GTPBP4: variants seen among roughly 807,000 people sequenced by gnomAD.
GTPBP4 encodes GTP binding protein 4, also known as GTP-binding protein 4.
A neutral mutation model predicts 81.7 loss-of-function variants in GTPBP4; 15 were observed. That is an observed-to-expected ratio of 0.18 (90% CI 0.12 to 0.28). The LOEUF (loss-of-function observed/expected upper bound fraction) is 0.28. GTPBP4 is among the 10% of genes least tolerant of loss of function. GTPBP4 has a pLI of 1.00. For synonymous variants in GTPBP4, 272 were observed against 274.6 expected (o/e 0.99, Z 0.09); for missense variants, 847 against 793.8 (o/e 1.07, Z -0.81).
rs755422040 is a variant in GTPBP4 at position 1,015,845 on chromosome 10, T to C, written c.1701T>C (p.Ser567=). The C allele has an allele frequency of 3.1e-6, 5 of 1,613,706 alleles. No individual in the cohort carries two copies. Among genetic ancestry groups the C allele is most frequent in the Non-Finnish European group, 4.2e-6 (5 of 1,179,646 alleles). The change falls in exon 16 of 17, where the codon AGT becomes AGC. Residue 567 remains serine (S), a synonymous_variant. Coordinates refer to ENST00000360803, the MANE Select transcript of GTPBP4 (RefSeq NM_012341.3). The part of the protein sequence containing the change: ...DSAPPSSVAR[S]GSCSRTPRDV... Reference sequence around the variant, plus strand: ...CTCCCCCGTCCTCTGTGGCCCGGAGTGGGAGTTGCTCTCGAACTCCACGTG... The same window carrying C: ...CTCCCCCGTCCTCTGTGGCCCGGAGCGGGAGTTGCTCTCGAACTCCACGTG...
chr10:1,006,282 G>A (rs530812924), intron 9 of GTPBP4, among the ~76,000 whole-genome samples: 22 of 152,376 alleles, frequency 1.4e-4, no homozygotes, highest in East Asian at 7.7e-4. Context: ...GAGGCAGTCC[G>A]CTGCTGGATT....
At chr10:1,008,700 CT>C (rs904174632) in intron 10 of GTPBP4, among the ~76,000 whole-genome samples, 4 of 152,114 alleles carry the variant, frequency 2.6e-5, no homozygotes, top group African/African-American at 4.8e-5. Flanking sequence ...TTTGGAATCA[CT>C]TTGTGGAGTC....
chr10:997,685 GTGT>G (rs527839999), intron 5 of GTPBP4, among the ~76,000 whole-genome samples: 3 of 152,246 alleles, frequency 2.0e-5, no homozygotes, highest in African/African-American at 4.8e-5. Flanking sequence ...GTTTTCTTGG[GTGT>G]TGTTGGCCTG....
In GTPBP4 at chr10:1,017,761, A is replaced by C. The variant is rs1832017633; in HGVS notation, c.*534A>C. The C allele has an allele frequency of 6.6e-6, 1 of 152,292 alleles. No homozygotes were observed. Among genetic ancestry groups the C allele is most frequent in the Non-Finnish European group, 1.5e-5 (1 of 68,082 alleles). The allele number at this position is 152,292 out of a possible 1,614,324, so 9.4% of individuals were successfully genotyped here. A position where few individuals can be genotyped will look rare whatever the true frequency, so the allele number is the denominator to read the frequency against. On this transcript the variant is annotated 3_prime_UTR_variant, in exon 17 of 17. Coordinates refer to ENST00000360803, the MANE Select transcript of GTPBP4 (RefSeq NM_012341.3). ...TATGGATTTGGCCAAATAAAAAGGC[A>C]AACAACATGACATTTCTATTTTGTT...
chr10:1,007,073 T>C lies in GTPBP4; in HGVS notation c.1058T>C (p.Val353Ala), dbSNP rs1249277000. The stretch of plus-strand genomic sequence containing the variant: ...GAAACCAAAATGAAGGGAAATAAAG[T>C]GAATGAGGTGCTGAATAGACTGCAC... ...RVETKMKGNK[V>A]NEVLNRLHLA... Residue 353 changes from valine (V) to alanine (A), a missense_variant, in exon 10 of 17, where the codon GTG (valine) becomes GCG (alanine). By Grantham distance (64) the Val-to-Ala change is moderately conservative. Around this residue, in one of 3 missense-constraint regions of GTPBP4, gnomAD observed 600 missense variants for 557.1 expected, o/e 1.08. Transcript: ENST00000360803. 2 of 1,613,054 alleles carry C rather than the reference T, an allele frequency of 1.2e-6. No homozygotes were observed. The highest frequency in any genetic ancestry group is 2.7e-5 in the African/African-American group (2 of 74,892).
intron 15 of GTPBP4, among the ~76,000 whole-genome samples, chr10:1,014,948 G>C (rs1831948732): frequency 6.6e-6 from 1 of 151,974 alleles, no homozygotes. Flanking sequence ...TGCAGACCCT[G>C]TCCTCTAGAT....
intron 8 of GTPBP4, among the ~76,000 whole-genome samples, chr10:1,003,426 A>T (rs1188334173): frequency 6.6e-6 from 1 of 152,004 alleles, no homozygotes; most frequent in African/African-American, 2.4e-5. Flanking sequence ...CTGTTCCTAG[A>T]GAGTTAATAT....
Position 1,000,150 on chromosome 10 carries a change from G to T in GTPBP4, c.655-527G>T, listed in dbSNP as rs148119533. 7.5e-3 allele frequency among the ~76,000 whole-genome samples: 1,135 copies of T among 151,742 alleles called. 19 individuals are homozygous for T. The highest frequency in any genetic ancestry group is 0.026 in the African/African-American group (1,074 of 41,294). On this transcript the variant is annotated intron_variant, in intron 6 of 16. Coordinates refer to ENST00000360803, the MANE Select transcript of GTPBP4 (RefSeq NM_012341.3). ...GCTAGCATTTCTTTGAGCTCTACAG[G>T]GTTCCTCCTCCCTTTTTTGATGTTT...
At chr10:1,013,740 A>G (rs942266132) in intron 14 of GTPBP4, among the ~76,000 whole-genome samples, 2 of 152,254 alleles carry the variant, frequency 1.3e-5, no homozygotes, top group Non-Finnish European at 2.9e-5. Flanking sequence ...CATGCAGGGC[A>G]GTTAACATGT....
rs189981515 is a variant in GTPBP4, at chr10:1,008,630, C to T, written c.1114-328C>T. ...TCTGTTGATCCAGTGTTATTTCTTA[C>T]CACTTTCTTCTTCCATAATTTTTCA... On this transcript the variant is annotated intron_variant, in intron 10 of 16. Coordinates refer to ENST00000360803, the MANE Select transcript of GTPBP4 (RefSeq NM_012341.3). 1.6e-4 allele frequency among the ~76,000 whole-genome samples: 25 copies of T among 152,174 alleles called. No individual in the cohort carries two copies. In the East Asian group the frequency reaches 1.9e-3, roughly 12 times the overall value.
chr10:1,009,416 C>A, intron 11 of GTPBP4, 113 bp from the exon 12 acceptor site: 1 of 781,776 alleles, frequency 1.3e-6, no homozygotes, highest in Non-Finnish European at 2.3e-6. Context: ...GAAGGTGAAC[C>A]CCACTGATAC....
At position 1,019,491 on chromosome 10, in the gene GTPBP4, C is replaced by T. The variant is rs1278343186; in HGVS notation, c.*2264C>T. ...GTCTGCCTGCACTGAGGGCATTACACATGGCTGACTCGACCTCCCTGCCTC... is the reference window on the plus strand; with the variant it reads ...GTCTGCCTGCACTGAGGGCATTACATATGGCTGACTCGACCTCCCTGCCTC... On this transcript the variant is annotated 3_prime_UTR_variant, in exon 17 of 17. Transcript: ENST00000360803. 1 of 1,586,180 alleles carries T rather than the reference C, an allele frequency of 6.3e-7. No homozygotes were observed. The highest frequency in any genetic ancestry group is 1.1e-5 in the South Asian group (1 of 87,104).
At chr10:1,012,748 A>G (rs1458613372) in intron 14 of GTPBP4, 86 bp downstream of exon 14, 6 of 883,878 alleles carry the variant, frequency 6.8e-6, no homozygotes, top group South Asian at 6.7e-5. Flanking sequence ...CAACTTTTCA[A>G]CCCATTTATG....
chr10:1,013,746 C>A (rs1216530137), intron 14 of GTPBP4, among the ~76,000 whole-genome samples: 1 of 152,214 alleles, frequency 6.6e-6, no homozygotes, highest in Non-Finnish European at 1.5e-5. Context: ...GGGCAGTTAA[C>A]ATGTAACCAG....
In GTPBP4 at chr10:1,012,115, T is replaced by C. The variant is rs114452155; in HGVS notation, c.1345-350T>C. On this transcript the variant is annotated intron_variant, in intron 13 of 16. Transcript: ENST00000360803. ...CGGACACGTGGGATGTGGCACGAAA[T>C]CAGTGTCTCAGGACTGAGTTCCTTG... Among the ~76,000 whole-genome samples the C allele has an allele frequency of 5.0e-3, 757 of 152,304 alleles. 6 individuals are homozygous for C. Among genetic ancestry groups the C allele is most frequent in the African/African-American group, 0.017 (715 of 41,546 alleles).
chr10:998,879 A>C, intron 5 of GTPBP4, 124 bp from the exon 6 acceptor site: 1 of 654,522 alleles, frequency 1.5e-6, no homozygotes, highest in Non-Finnish European at 2.8e-6. Context: ...TATTCGATGC[A>C]GTTTTATCGT....
At position 1,017,412 on chromosome 10, in the gene GTPBP4, A is replaced by G. The variant is rs1832012861; in HGVS notation, c.*185A>G. The G allele has an allele frequency of 2.2e-6, 1 of 448,552 alleles. No individual in the cohort carries two copies. The highest frequency in any genetic ancestry group is 3.3e-5 in the East Asian group (1 of 30,068). The allele number at this position is 448,552 out of a possible 1,614,324, so 27.8% of individuals were successfully genotyped here. On this transcript the variant is annotated 3_prime_UTR_variant, in exon 17 of 17. Transcript: ENST00000360803. ...TGTGGGAAATTTTTGTCACTGCATA[A>G]TATTACAAATATTTTGAGTAGACAG...
At chr10:1,004,982 A>G (rs1412955953) in intron 8 of GTPBP4, among the ~76,000 whole-genome samples, 1 of 152,156 alleles carries the variant, frequency 6.6e-6, no homozygotes, top group African/African-American at 2.4e-5. Flanking sequence ...TGAGGATGCC[A>G]GGGGGCTCCG....
In GTPBP4 at chr10:1,019,431, T is replaced by G; in HGVS notation, c.*2204T>G. ...CAATCAAGTGCCCCTTTTGCCCTGTTTTTTGGAGAGGGTGTATCATTGCCT... is the reference window on the plus strand; with the variant it reads ...CAATCAAGTGCCCCTTTTGCCCTGTGTTTTGGAGAGGGTGTATCATTGCCT... On this transcript the variant is annotated 3_prime_UTR_variant, in exon 17 of 17. Transcript: ENST00000360803. The G allele has an allele frequency of 3.6e-6, 4 of 1,109,776 alleles. No individual in the cohort carries two copies. Among genetic ancestry groups the G allele is most frequent in the Non-Finnish European group, 5.1e-6 (4 of 787,308 alleles). The allele number at this position is 1,109,776 out of a possible 1,614,324, so 68.7% of individuals were successfully genotyped here.
Sources: allele counts gnomAD v4.1 joint callset (sites outside exome capture counted in the v4.1 genomes callset), GRCh38; gene constraint gnomAD v4.1.1; regional missense constraint gnomAD v4.1.1; transcripts MANE v1.5; gene names NCBI Gene and HGNC (gene_info 2026-07-23, HGNC 2026-07-21).